Variants in DNA2 observed in about 807,000 individuals in gnomAD.
DNA2 encodes DNA replication ATP-dependent helicase/nuclease DNA2.
Under a neutral mutation model 119.1 loss-of-function variants are expected in DNA2, and 101 were observed. That is an observed-to-expected ratio of 0.85 (90% CI 0.72 to 1.00). The LOEUF is 1.00. Ranked by LOEUF, DNA2 falls within the 50% of genes least tolerant of loss-of-function variation. The pLI is 0.00. For missense variants in DNA2, 1,121 were observed against 1,255.5 expected, an observed-to-expected ratio of 0.89 and a Z score of 1.62; for synonymous variants, 366 against 424.4, an observed-to-expected ratio of 0.86 and a Z score of 1.69.
rs919229557 is a variant in DNA2 at position 68,471,875 on chromosome 10, G to C, written c.-11C>G. 63 of 1,613,858 alleles carry C rather than the reference G, an allele frequency of 3.9e-5. No individual in the cohort carries two copies. The highest frequency in any genetic ancestry group is 5.0e-5 in the Non-Finnish European group (59 of 1,179,842). On this transcript the variant is annotated 5_prime_UTR_variant, in exon 1 of 21. Transcript: ENST00000358410. Reference sequence around the variant, plus strand: ...GTTCAGCTGCTCCATCCTGGACGCGGGGATCGCAAACTGTAGACAGAAAAG... The same window carrying C: ...GTTCAGCTGCTCCATCCTGGACGCGCGGATCGCAAACTGTAGACAGAAAAG...
At chr10:68,429,799 G>C (rs1472439671) in intron 14 of DNA2, among the ~76,000 whole-genome samples, 1 of 147,456 alleles carries the variant, frequency 6.8e-6, no homozygotes, top group African/African-American at 2.5e-5. Context: ...ATAAAAATTA[G>C]ATTCTATATA....
intron 8 of DNA2, among the ~76,000 whole-genome samples, chr10:68,443,686 T>C (rs1417333329): frequency 6.6e-6 from 1 of 152,174 alleles, no homozygotes; most frequent in Admixed American, 6.5e-5. Flanking sequence ...CAGAGGCTCA[T>C]GCCTATAATT....
At chr10:68,463,199 C>CT (rs1290564143) in intron 4 of DNA2, among the ~76,000 whole-genome samples, 1 of 151,820 alleles carries the variant, frequency 6.6e-6, no homozygotes, top group Non-Finnish European at 1.5e-5. Context: ...AATCCCAGCA[C>CT]TTTGGGAGGC....
intron 3 of DNA2, among the ~76,000 whole-genome samples, chr10:68,466,377 A>T (rs1395620804): frequency 6.6e-6 from 1 of 152,154 alleles, no homozygotes; most frequent in African/African-American, 2.4e-5. Flanking sequence ...AATCCACCCA[A>T]TAGAAAAGTC....
intron 19 of DNA2, among the ~76,000 whole-genome samples, chr10:68,417,987 C>A (rs1564874989): frequency 6.6e-6 from 1 of 152,168 alleles, no homozygotes; most frequent in Non-Finnish European, 1.5e-5. Context: ...ATGGTGGTTA[C>A]AGGTGCTGGG....
At chr10:68,418,380 C>G (rs2133354397) in intron 19 of DNA2, among the ~76,000 whole-genome samples, 1 of 150,350 alleles carries the variant, frequency 6.7e-6, no homozygotes, top group East Asian at 2.0e-4. Flanking sequence ...CTACTGCATG[C>G]CAGCCTGGGC....
chr10:68,421,986 T>C (rs2051671618), intron 17 of DNA2, among the ~76,000 whole-genome samples: 1 of 151,962 alleles, frequency 6.6e-6, no homozygotes, highest in African/African-American at 2.4e-5. Context: ...AGCTACTTTT[T>C]ATATTTTTAG....
intron 3 of DNA2, among the ~76,000 whole-genome samples, chr10:68,467,149 T>C (rs1245756114): frequency 6.6e-6 from 1 of 152,182 alleles, no homozygotes; most frequent in Non-Finnish European, 1.5e-5. Flanking sequence ...AGTCTCCCTC[T>C]ATCTCCCACC....
At chr10:68,423,503 G>A (rs996275311) in intron 14 of DNA2, among the ~76,000 whole-genome samples, 1 of 152,164 alleles carries the variant, frequency 6.6e-6, no homozygotes, top group Non-Finnish European at 1.5e-5. Flanking sequence ...ACAGGAAAAG[G>A]AAAGCCTAGC....
chr10:68,420,023 A>C, intron 17 of DNA2, 131 bp from the exon 18 acceptor site: 1 of 732,086 alleles, frequency 1.4e-6, no homozygotes, highest in South Asian at 1.9e-5. Context: ...TGAAGGTGAA[A>C]GAATCAACAA....
Position 68,419,042 on chromosome 10 carries a change from C to T in DNA2, c.2959G>A (p.Asp987Asn), listed in dbSNP as rs759436114. Residue 987 changes from aspartate to asparagine, a missense_variant, in exon 19 of 21, where the codon GAT becomes AAT. Asp to Asn is a conservative substitution (Grantham distance 23, BLOSUM62 1). Coordinates refer to ENST00000358410, the MANE Select transcript of DNA2 (RefSeq NM_001080449.3). ...AAACACAATTAACTCACAGTTCCAT[C>T]CTTATTACTTCTAACAAAAGATACT... ...VLVSFVRSNK[D>N]GTVGELLKDW... is the part of the protein sequence containing the mutation. 16 of 1,598,000 alleles carry T rather than the reference C, an allele frequency of 1.0e-5. 1 individual carries two copies. In the South Asian group the frequency reaches 1.8e-4, roughly 18 times the overall value.
chr10:68,459,331 C>T (rs1476710054), intron 4 of DNA2, 96 bp from the exon 5 acceptor site: 17 of 1,299,884 alleles, frequency 1.3e-5, no homozygotes, highest in South Asian at 7.3e-5. Flanking sequence ...GAAAAGTAAA[C>T]GAGGACAAAA....
At chr10:68,418,834 G>A (rs548667257) in intron 19 of DNA2, among the ~76,000 whole-genome samples, 200 bp downstream of exon 19, 20 of 151,790 alleles carry the variant, frequency 1.3e-4, no homozygotes, top group African/African-American at 3.9e-4. Flanking sequence ...CACCACGCCC[G>A]GCTAATTTTT....
At chr10:68,472,497 G>A (rs188983344), upstream of DNA2, among the ~76,000 whole-genome samples, 136 of 152,310 alleles carry the variant, frequency 8.9e-4, 4 homozygotes, top group East Asian at 0.02. Context: ...CACTTCGGAA[G>A]GCTGAGGCGG....
chr10:68,472,046 C>T (rs1245675615), upstream of DNA2: 4 of 1,602,552 alleles, frequency 2.5e-6, no homozygotes, highest in East Asian at 2.3e-5. Flanking sequence ...CCACGTGGGG[C>T]CCCTCACCTG....
At chr10:68,465,944 T>C (rs1590076889) in intron 3 of DNA2, 132 bp from the exon 4 acceptor site, 1 of 746,688 alleles carries the variant, frequency 1.3e-6, no homozygotes, top group African/African-American at 1.8e-5. Flanking sequence ...TAAAAAAATT[T>C]TTTTCTGGTG....
At chr10:68,416,391 G>C (rs541355440) in intron 20 of DNA2, among the ~76,000 whole-genome samples, 1 of 152,306 alleles carries the variant, frequency 6.6e-6, no homozygotes, top group South Asian at 2.1e-4. Flanking sequence ...ACTTTAGCCT[G>C]GGAGATTGAG....
chr10:68,459,285 A>G, intron 4 of DNA2, 50 bp from the exon 5 acceptor site: 1 of 1,462,194 alleles, frequency 6.8e-7, no homozygotes, highest in Non-Finnish European at 9.1e-7. Context: ...GGTACCTGCC[A>G]AAAATATGAT....
intron 3 of DNA2, among the ~76,000 whole-genome samples, chr10:68,467,401 G>A (rs747191714): frequency 2.6e-5 from 4 of 151,176 alleles, no homozygotes; most frequent in Admixed American, 6.6e-5. Context: ...AAGCCACTGC[G>A]CCCAGCCCCA....
Sources: gnomAD v4.1 joint callset for allele counts (sites outside exome capture counted in the v4.1 genomes callset) on GRCh38, gnomAD v4.1.1 for gene constraint, MANE v1.5 for transcripts, NCBI Gene and HGNC (gene_info 2026-07-23, HGNC 2026-07-21) for gene names.